ARFIP1: variants seen among roughly 807,000 people sequenced by gnomAD.
ARFIP1 encodes arfaptin-1.
A neutral mutation model predicts 42.5 loss-of-function variants in ARFIP1; 24 were observed. The ratio of observed to expected loss-of-function variants is 0.57; its 90% confidence interval spans 0.41 to 0.80. ARFIP1 has a LOEUF of 0.80. Ranked by LOEUF, ARFIP1 falls within the 30% of genes least tolerant of loss-of-function variation. ARFIP1 has a pLI of 0.00. For synonymous variants in ARFIP1, 141 were observed against 153.7 expected (o/e 0.92, Z 0.61); for missense variants, 354 against 434.0 (o/e 0.82, Z 1.64).
chr4:152,900,711 G>A (rs530023880), intron 8 of ARFIP1, among the ~76,000 whole-genome samples: 1 of 152,206 alleles, frequency 6.6e-6, no homozygotes, highest in Non-Finnish European at 1.5e-5. Flanking sequence ...ATCTCTTTCT[G>A]GGAAAAGTTC....
chr4:152,906,682 C>A (rs1260485970), intron 8 of ARFIP1, among the ~76,000 whole-genome samples: 1 of 152,194 alleles, frequency 6.6e-6, no homozygotes, highest in Non-Finnish European at 1.5e-5. Context: ...TTAGAACCTA[C>A]CAGTAGCTTT....
At chr4:152,790,802 C>T (rs1322440837) in intron 1 of ARFIP1, among the ~76,000 whole-genome samples, 2 of 143,152 alleles carry the variant, frequency 1.4e-5, no homozygotes, top group South Asian at 2.3e-4. Flanking sequence ...GTCACAGTCT[C>T]GGCTTACTGC....
At chr4:152,825,050 A>G (rs1213296761) in intron 1 of ARFIP1, among the ~76,000 whole-genome samples, 2 of 152,098 alleles carry the variant, frequency 1.3e-5, no homozygotes, top group Admixed American at 1.3e-4. Context: ...AAGGAGAACT[A>G]CAAAACACTG....
intron 5 of ARFIP1, among the ~76,000 whole-genome samples, chr4:152,878,270 T>C (rs1226600897): frequency 6.6e-6 from 1 of 152,236 alleles, no homozygotes; most frequent in East Asian, 1.9e-4. Context: ...TTTCAGGGAC[T>C]CTGAGGAAGG....
chr4:152,786,853 A>G (rs1730838935), intron 1 of ARFIP1, among the ~76,000 whole-genome samples: 1 of 152,170 alleles, frequency 6.6e-6, no homozygotes, highest in East Asian at 1.9e-4. Context: ...GCTTTTGTAC[A>G]TGCTTTTCTC....
intron 5 of ARFIP1, among the ~76,000 whole-genome samples, chr4:152,877,767 C>T (rs1735487933): frequency 6.6e-6 from 1 of 152,100 alleles, no homozygotes; most frequent in South Asian, 2.1e-4. Context: ...CCGGTCTTGT[C>T]TGTGCTATTC....
chr4:152,819,610 G>A (rs1730195016), intron 1 of ARFIP1, among the ~76,000 whole-genome samples: 1 of 152,196 alleles, frequency 6.6e-6, no homozygotes, highest in Non-Finnish European at 1.5e-5. Flanking sequence ...TACTCCTAGG[G>A]GAAGGGAGTG....
intron 1 of ARFIP1, among the ~76,000 whole-genome samples, chr4:152,783,185 G>C (rs963471631): frequency 6.6e-6 from 1 of 152,038 alleles, no homozygotes; most frequent in Non-Finnish European, 1.5e-5. Flanking sequence ...TTGCATGCCT[G>C]TAGTCCCAGC....
chr4:152,824,311 CAA>C (rs111552594), intron 1 of ARFIP1, among the ~76,000 whole-genome samples: 6 of 118,772 alleles, frequency 5.1e-5, no homozygotes, highest in Non-Finnish European at 7.2e-5. Context: ...AGACTCTTAT[CAA>C]AAAAAAAAAA....
intron 1 of ARFIP1, among the ~76,000 whole-genome samples, chr4:152,824,252 G>A (rs1284967212): frequency 6.6e-6 from 1 of 151,540 alleles, no homozygotes; most frequent in Non-Finnish European, 1.5e-5. Context: ...GGCAGAGGTT[G>A]CAGGGAGCCT....
chr4:152,865,912 C>T (rs563831523), intron 3 of ARFIP1, among the ~76,000 whole-genome samples: 23 of 151,976 alleles, frequency 1.5e-4, no homozygotes, highest in African/African-American at 5.1e-4. Flanking sequence ...GGGTGTTTCT[C>T]GCAGAGGGGG....
chr4:152,877,357 C>T (rs1735446721), intron 5 of ARFIP1, among the ~76,000 whole-genome samples: 1 of 152,150 alleles, frequency 6.6e-6, no homozygotes, highest in Admixed American at 6.5e-5. Flanking sequence ...TAAAATTTGA[C>T]TGCCCTGATG....
At chr4:152,829,156 G>A (rs150778183) in intron 1 of ARFIP1, among the ~76,000 whole-genome samples, 3 of 152,280 alleles carry the variant, frequency 2.0e-5, no homozygotes, top group South Asian at 2.1e-4. Context: ...GATAGACACG[G>A]AATTATTTTG....
rs559868959 is a variant in ARFIP1 at position 152,865,764 on chromosome 4, G to A, written c.202+2050G>A. On this transcript the variant is annotated intron_variant, in intron 3 of 8. Coordinates refer to ENST00000353617, the MANE Select transcript of ARFIP1 (RefSeq NM_001025595.3). ...CCTAAAACTAAGAGTGCTGAAAAAC[G>A]TAAGGCTTACTTTGCATAATTTGGT... is the stretch of plus-strand genomic sequence containing the variant. 5.3e-5 allele frequency among the ~76,000 whole-genome samples: 8 copies of A among 152,240 alleles called. No homozygotes were observed. In the South Asian group the frequency reaches 1.0e-3, roughly 20 times the overall value.
chr4:152,806,262 TGA>T (rs1333142702), intron 1 of ARFIP1, among the ~76,000 whole-genome samples: 5 of 152,168 alleles, frequency 3.3e-5, no homozygotes, highest in Non-Finnish European at 5.9e-5. Flanking sequence ...ATTTTTCTAG[TGA>T]GAGAGTATTA....
chr4:152,811,598 T>A (rs781405566), intron 1 of ARFIP1, among the ~76,000 whole-genome samples: 1 of 151,942 alleles, frequency 6.6e-6, no homozygotes, highest in Non-Finnish European at 1.5e-5. Context: ...TCTAGAAGAG[T>A]AAAGTTAAAA....
intron 1 of ARFIP1, among the ~76,000 whole-genome samples, chr4:152,782,187 G>C (rs553152379): frequency 6.6e-6 from 1 of 151,588 alleles, no homozygotes; most frequent in Non-Finnish European, 1.5e-5. Context: ...CCACCACTTA[G>C]GCAGTGTCTT....
At chr4:152,861,748 G>C (rs1733910377) in intron 2 of ARFIP1, among the ~76,000 whole-genome samples, 1 of 151,924 alleles carries the variant, frequency 6.6e-6, no homozygotes, top group South Asian at 2.1e-4. Context: ...TTCTGAAAGG[G>C]CTTCTTATTT....
At chr4:152,867,182 C>G (rs1413755597) in intron 3 of ARFIP1, among the ~76,000 whole-genome samples, 2 of 152,220 alleles carry the variant, frequency 1.3e-5, no homozygotes, top group Non-Finnish European at 2.9e-5. Context: ...CGAGATCACG[C>G]CACTGCACTC....
Sources: gnomAD v4.1 joint callset for allele counts (sites outside exome capture counted in the v4.1 genomes callset) on GRCh38, gnomAD v4.1.1 for gene constraint, MANE v1.5 for transcripts, NCBI Gene and HGNC (gene_info 2026-07-23, HGNC 2026-07-21) for gene names.